The following KIF3A variants were observed in gnomAD, a reference collection of about 807,000 sequenced individuals.
KIF3A encodes kinesin family member 3A, also known as kinesin-like protein KIF3A.
Under a neutral mutation model 92.6 loss-of-function variants are expected in KIF3A, and 27 were observed. That is an observed-to-expected ratio of 0.29 (90% CI 0.21 to 0.40). The LOEUF (loss-of-function observed/expected upper bound fraction) is 0.40, where lower values mean the gene tolerates loss of function less well. Among genes scored for constraint, KIF3A ranks in the 10% least tolerant of loss-of-function variants. The pLI is 1.00. For missense variants in KIF3A, 581 were observed against 872.6 expected, an observed-to-expected ratio of 0.67 and a Z score of 4.21; for synonymous variants, 250 against 275.4, an observed-to-expected ratio of 0.91 and a Z score of 0.92.
chr5:132,724,792 TAAAAAAA>T (rs756540926), intron 4 of KIF3A, among the ~76,000 whole-genome samples: 13 of 64,358 alleles, frequency 2.0e-4, no homozygotes, highest in African/African-American at 8.5e-4. Flanking sequence ...TAAAGTATAA[TAAAAAAA>T]AAAAAAAATA....
intron 2 of KIF3A, among the ~76,000 whole-genome samples, chr5:132,730,815 G>C (rs753192686): frequency 6.0e-5 from 9 of 150,624 alleles, no homozygotes; most frequent in Non-Finnish European, 7.4e-5. Context: ...AATAATAATA[G>C]AAAAAATTAG....
chr5:132,722,323 A>G (rs1252688904), intron 4 of KIF3A, among the ~76,000 whole-genome samples: 1 of 152,230 alleles, frequency 6.6e-6, no homozygotes, highest in Non-Finnish European at 1.5e-5. Flanking sequence ...CTACCAAAGA[A>G]TTTTTATCAA....
rs1342227190 is a variant in KIF3A, at chr5:132,695,127, C to T, written c.*1507G>A. The T allele has an allele frequency of 6.6e-6, 1 of 152,288 alleles. No homozygotes were observed. The highest frequency in any genetic ancestry group is 1.5e-5 in the Non-Finnish European group (1 of 68,034). The allele number at this position is 152,288 out of a possible 1,614,324, so 9.4% of individuals were successfully genotyped here. ...GCTGATTACATAATTTTGAAAACCA[C>T]AAAACATATATTAAGTGGTTTAGGA... On this transcript the variant is annotated 3_prime_UTR_variant, in exon 19 of 19. Coordinates refer to ENST00000403231, the MANE Select transcript of KIF3A (RefSeq NM_001300791.2).
intron 13 of KIF3A, 60 bp downstream of exon 13, chr5:132,702,825 C>T (rs756698433): frequency 2.4e-4 from 369 of 1,519,096 alleles, no homozygotes; most frequent in Non-Finnish European, 3.3e-4. Flanking sequence ...TTTAGCTTTC[C>T]ACTAGAAAAG....
Position 132,720,599 on chromosome 5 carries a change from C to A in KIF3A, c.616+10G>T. 1.3e-6 allele frequency: 2 copies of A among 1,560,940 alleles called. No homozygotes were observed. Among genetic ancestry groups the A allele is most frequent in the Non-Finnish European group, 1.8e-6 (2 of 1,136,684 alleles). On this transcript the variant is annotated intron_variant, in intron 5 of 18. Coordinates refer to ENST00000403231, the MANE Select transcript of KIF3A (RefSeq NM_001300791.2). ...ACAGATGCTTAATCACAATTACACACTATACTTACGATTTTTGTGGCCTAG... is the reference window on the plus strand; with the variant it reads ...ACAGATGCTTAATCACAATTACACAATATACTTACGATTTTTGTGGCCTAG...
chr5:132,698,012 T>C (rs1455624243), intron 18 of KIF3A: 1 of 152,224 alleles, frequency 6.6e-6, no homozygotes, highest in Non-Finnish European at 1.5e-5. Context: ...GCTTGGCATG[T>C]GTTGGTATAG....
intron 2 of KIF3A, among the ~76,000 whole-genome samples, chr5:132,728,547 G>A (rs1417227397): frequency 6.6e-6 from 1 of 152,046 alleles, no homozygotes; most frequent in Non-Finnish European, 1.5e-5. Context: ...GTCCAGCCTG[G>A]CCAACATGGT....
At chr5:132,710,923 T>A in intron 9 of KIF3A, 36 bp downstream of exon 9, 1 of 1,613,614 alleles carries the variant, frequency 6.2e-7, no homozygotes, top group Non-Finnish European at 8.5e-7. Flanking sequence ...TGAAACCACC[T>A]AATTTCTACA....
chr5:132,704,022 A>T (rs556994323), intron 11 of KIF3A, among the ~76,000 whole-genome samples: 1 of 151,728 alleles, frequency 6.6e-6, no homozygotes, highest in African/African-American at 2.4e-5. Flanking sequence ...TATAAAATCA[A>T]GCGACTCCTT....
At chr5:132,710,309 T>C (rs1753370707) in intron 9 of KIF3A, among the ~76,000 whole-genome samples, 1 of 152,204 alleles carries the variant, frequency 6.6e-6, no homozygotes, top group African/African-American at 2.4e-5. Context: ...CACATTATCC[T>C]AATTTCCTTA....
At chr5:132,707,970 T>C (rs1303174366) in intron 10 of KIF3A, among the ~76,000 whole-genome samples, 8 of 152,242 alleles carry the variant, frequency 5.3e-5, no homozygotes, top group African/African-American at 1.9e-4. Flanking sequence ...TTCTGCATTC[T>C]CTAATCATAC....
intron 5 of KIF3A, 117 bp from the exon 6 acceptor site, chr5:132,717,101 T>C (rs545948037): frequency 2.1e-6 from 2 of 957,132 alleles, no homozygotes; most frequent in Admixed American, 2.5e-5. Context: ...CCAGAGAGCA[T>C]GGCTAAACCA....
At chr5:132,700,440 G>A in intron 16 of KIF3A, 156 bp from the exon 17 acceptor site, 4 of 652,716 alleles carry the variant, frequency 6.1e-6, no homozygotes, top group Admixed American at 5.6e-5. Context: ...GTCCCACATA[G>A]CCCCTAACTC....
intron 4 of KIF3A, among the ~76,000 whole-genome samples, chr5:132,722,574 T>C (rs1368581645): frequency 6.6e-6 from 1 of 152,188 alleles, no homozygotes; most frequent in African/African-American, 2.4e-5. Context: ...TACCAGATAT[T>C]CACATGGTAA....
At chr5:132,699,792 G>T (rs1352597200) in intron 17 of KIF3A, among the ~76,000 whole-genome samples, 1 of 151,940 alleles carries the variant, frequency 6.6e-6, no homozygotes, top group Admixed American at 6.6e-5. Flanking sequence ...TTGATCTCCT[G>T]ACCTCGTGAT....
chr5:132,724,554 A>T (rs554674754), intron 4 of KIF3A, among the ~76,000 whole-genome samples: 2 of 152,016 alleles, frequency 1.3e-5, no homozygotes, highest in African/African-American at 4.8e-5. Flanking sequence ...CAAAAAACCA[A>T]ACACCACATG....
chr5:132,730,831 C>T (rs983046246), intron 2 of KIF3A, among the ~76,000 whole-genome samples: 6 of 151,762 alleles, frequency 4.0e-5, no homozygotes, highest in East Asian at 1.9e-4. Context: ...ATTAGCCAGG[C>T]GTGGTAGCAC....
At chr5:132,690,167 G>A (rs1339162559), downstream of KIF3A, among the ~76,000 whole-genome samples, 18 of 152,178 alleles carry the variant, frequency 1.2e-4, no homozygotes, top group Admixed American at 1.2e-3. Flanking sequence ...AGTGAGCTGA[G>A]ATTGCGCCAC....
chr5:132,701,001 A>AT (rs898156303), intron 15 of KIF3A, among the ~76,000 whole-genome samples: 15 of 152,280 alleles, frequency 9.9e-5, no homozygotes, highest in African/African-American at 3.6e-4. Context: ...AGAAGTAGTT[A>AT]TTATCAGGGT....
Sources: allele counts gnomAD v4.1 joint callset (sites outside exome capture counted in the v4.1 genomes callset), GRCh38; gene constraint gnomAD v4.1.1; transcripts MANE v1.5; gene names NCBI Gene and HGNC (gene_info 2026-07-23, HGNC 2026-07-21).